SAMD11: variants seen among roughly 807,000 people sequenced by gnomAD.
The protein encoded by SAMD11 is sterile alpha motif domain-containing protein 11.
Under a neutral mutation model 64.4 loss-of-function variants are expected in SAMD11, and 77 were observed. The observed-to-expected ratio is 1.20, with a 90% CI of 0.99 to 1.44. The LOEUF (loss-of-function observed/expected upper bound fraction) is 1.44. Ranked by LOEUF, SAMD11 falls within the 40% of genes most tolerant of loss-of-function variation. SAMD11 has a pLI of 0.00. For synonymous variants in SAMD11, 658 were observed against 421.9 expected (o/e 1.56, Z -6.86); for missense variants, 1,402 against 943.3 (o/e 1.49, Z -6.37).
chr1:929,423 C>T (rs904338516), intron 2 of SAMD11, among the ~76,000 whole-genome samples: 6 of 152,216 alleles, frequency 3.9e-5, no homozygotes, highest in African/African-American at 9.7e-5. Context: ...CTGTGAGCCC[C>T]GGGGCCTGCA....
chr1:936,009 G>C, intron 5 of SAMD11, 113 bp downstream of exon 5: 1 of 1,146,414 alleles, frequency 8.7e-7, no homozygotes, highest in Non-Finnish European at 1.2e-6. Context: ...CAGGAGGAGC[G>C]GCCTGTCCCC....
intron 2 of SAMD11, 108 bp downstream of exon 2, chr1:926,121 G>A: frequency 9.2e-7 from 1 of 1,084,592 alleles, no homozygotes; most frequent in South Asian, 1.3e-5. Flanking sequence ...ACCCCTGCGG[G>A]TGTGCTGGAG....
At position 939,035 on chromosome 1, in the gene SAMD11, C is replaced by T. The variant is rs74047412; in HGVS notation, c.968-5C>T. ...TGCAGGTGGGCACTCACTACCCTCC[C>T]GCAGGTGACCTGTTGGGCAAGAGGC... On this transcript the variant is annotated splice_polypyrimidine_tract_variant and splice_region_variant and intron_variant, in intron 5 of 13. Transcript: ENST00000616016. 4.6e-4 allele frequency: 737 copies of T among 1,592,762 alleles called. 2 individuals carry two copies. The highest frequency in any genetic ancestry group is 5.2e-4 in the South Asian group (45 of 87,368).
chr1:943,121 G>A (rs552638454), intron 11 of SAMD11, 63 bp downstream of exon 11: 2 of 1,553,472 alleles, frequency 1.3e-6, no homozygotes, highest in South Asian at 1.2e-5. Flanking sequence ...GCCTGTGGAA[G>A]GGTCTTGGGG....
Position 935,794 on chromosome 1 carries a change from C to T in SAMD11, c.865C>T (p.Leu289Phe), listed in dbSNP as rs768034975. ...SCSQDGNLPT[L>F]ISSVHRSRHL... The stretch of plus-strand genomic sequence containing the variant: ...CAGCCAGGACGGCAACCTTCCCACC[C>T]TCATATCCAGCGTCCACCGCAGCCG... The change falls in exon 5 of 14, where the codon CTC (leucine) becomes TTC (phenylalanine). Residue 289 changes from leucine (L) to phenylalanine (F), a missense_variant. By Grantham distance (22) the Leu-to-Phe change is conservative. Transcript: ENST00000616016. 3 of 1,613,432 alleles carry T rather than the reference C, an allele frequency of 1.9e-6. No individual in the cohort carries two copies. The African/African-American group carries it at 4.0e-5, about 22-fold the overall frequency.
At chr1:940,305 C>G (rs868012670) in intron 7 of SAMD11, 10 of 143,898 alleles carry the variant, frequency 6.9e-5, no homozygotes, top group Non-Finnish European at 1.1e-4. Context: ...CGCCCCCCCC[C>G]CCCGCCCCGC....
intron 4 of SAMD11, among the ~76,000 whole-genome samples, chr1:935,399 C>T (rs948764762): frequency 6.6e-6 from 1 of 152,086 alleles, no homozygotes; most frequent in Non-Finnish European, 1.5e-5. Context: ...GCAGGACTGC[C>T]CCTGAGCAGA....
intron 4 of SAMD11, among the ~76,000 whole-genome samples, chr1:933,218 G>T (rs1379776691): frequency 6.6e-6 from 1 of 152,236 alleles, no homozygotes; most frequent in Non-Finnish European, 1.5e-5. Flanking sequence ...CTCCACTCTG[G>T]GACGTCCAGG....
At chr1:941,771 C>T (rs963145419) in intron 8 of SAMD11, among the ~76,000 whole-genome samples, 4 of 152,174 alleles carry the variant, frequency 2.6e-5, no homozygotes, top group Admixed American at 1.3e-4. Context: ...AGGCCCGAGT[C>T]CCTGCCCGGC....
intron 7 of SAMD11, chr1:940,306 CCCG>C (rs1224803996): frequency 6.9e-6 from 1 of 144,252 alleles, no homozygotes; most frequent in African/African-American, 2.5e-5. Context: ...GCCCCCCCCC[CCCG>C]CCCCGCCGCG....
At chr1:937,173 G>A (rs1025393578) in intron 5 of SAMD11, among the ~76,000 whole-genome samples, 12 of 152,242 alleles carry the variant, frequency 7.9e-5, no homozygotes, top group Admixed American at 4.6e-4. Context: ...CACCCTGGGG[G>A]GCGTTCACCT....
rs773973372 is a variant in SAMD11 at position 925,921 on chromosome 1, G to A, written c.518-1G>A. 4 of 1,609,432 alleles carry A rather than the reference G, an allele frequency of 2.5e-6. No individual in the cohort carries two copies. Among genetic ancestry groups the A allele is most frequent in the Non-Finnish European group, 3.4e-6 (4 of 1,178,380 alleles). ...AGGGTCTGCCTCGGCTCTGCTCGCA[G>A]GGAAAAGTCTGAAGACGCTTATGTC... is the stretch of plus-strand genomic sequence containing the variant. On this transcript the variant is annotated splice_acceptor_variant, in intron 1 of 13. Coordinates refer to ENST00000616016, the MANE Select transcript of SAMD11 (RefSeq NM_001385641.1). LOFTEE classifies it high-confidence loss of function.
At position 925,908 on chromosome 1, in the gene SAMD11, G is replaced by GGCTCT. The variant is rs1372478097; in HGVS notation, c.518-9_518-5dup. ...GCCGCTCCCTCACAGGGTCTGCCTCGGCTCTGCTCGCAGGGAAAAGTCTGA... is the reference window on the plus strand; with the variant it reads ...GCCGCTCCCTCACAGGGTCTGCCTCGGCTCTGCTCTGCTCGCAGGGAAAAGTCTGA... On this transcript the variant is annotated splice_polypyrimidine_tract_variant and intron_variant, in intron 1 of 13. Coordinates refer to ENST00000616016, the MANE Select transcript of SAMD11 (RefSeq NM_001385641.1). The GGCTCT allele has an allele frequency of 1.6e-5, 26 of 1,596,224 alleles. No homozygotes were observed. The highest frequency in any genetic ancestry group is 1.9e-5 in the Non-Finnish European group (22 of 1,167,304).
In SAMD11 at chr1:942,943, G is replaced by T. The variant is rs951991576; in HGVS notation, c.1938G>T (p.Gly646=). ...AGACGGCAGCTGTTGGGTGCAGGGG[G>T]CCCACTCCGGGCCAAGCTCCAGCTG... is the stretch of plus-strand genomic sequence containing the variant. ...DPETAAVGCR[G]PTPGQAPAGG... The change falls in exon 11 of 14, where the codon GGG becomes GGT. Residue 646 remains glycine (G), a synonymous_variant. Coordinates refer to ENST00000616016, the MANE Select transcript of SAMD11 (RefSeq NM_001385641.1). 4 of 1,550,364 alleles carry T rather than the reference G, an allele frequency of 2.6e-6. No individual in the cohort carries two copies. The Admixed American group carries it at 8.1e-5, about 32-fold the overall frequency.
In SAMD11 at chr1:941,192, C is replaced by G. The variant is rs767264992; in HGVS notation, c.1244C>G (p.Pro415Arg). Reference protein sequence around the residue: ...QEVAAAALRGPSGLEAHLPSS... With the variant: ...QEVAAAALRGRSGLEAHLPSS... ...GTGGCGGCTGCAGCTCTGAGGGGCCCCAGTGGCCTGGAAGCCCACCTGCCC... is the reference window on the plus strand; with the variant it reads ...GTGGCGGCTGCAGCTCTGAGGGGCCGCAGTGGCCTGGAAGCCCACCTGCCC... The change falls in exon 8 of 14, where the codon CCC becomes CGC. Residue 415 changes from proline to arginine, a missense_variant. Transcript: ENST00000616016. 3.1e-6 allele frequency: 5 copies of G among 1,601,926 alleles called. No individual in the cohort carries two copies. In the South Asian group the frequency reaches 5.6e-5, roughly 18 times the overall value.
intron 2 of SAMD11, among the ~76,000 whole-genome samples, chr1:928,895 G>A (rs1641034655): frequency 6.6e-6 from 1 of 152,204 alleles, no homozygotes; most frequent in Admixed American, 6.5e-5. Context: ...TTCTAGGTCT[G>A]AGGAGGACAC....
At chr1:937,398 C>G (rs1355824715) in intron 5 of SAMD11, among the ~76,000 whole-genome samples, 5 of 27,652 alleles carry the variant, frequency 1.8e-4, no homozygotes, top group Admixed American at 4.5e-4. Context: ...TTCCACCTGC[C>G]CCCCCCCCCA....
At chr1:926,156 G>T (rs918831031) in intron 2 of SAMD11, 143 bp downstream of exon 2, 1 of 799,078 alleles carries the variant, frequency 1.3e-6, no homozygotes, top group African/African-American at 1.7e-5. Flanking sequence ...GCAGGGGGAA[G>T]CGGCTTTACC....
intron 7 of SAMD11, 56 bp from the exon 8 acceptor site, chr1:941,088 C>A: frequency 1.4e-6 from 2 of 1,479,166 alleles, no homozygotes; most frequent in Non-Finnish European, 1.8e-6. Flanking sequence ...AGGACGCGGG[C>A]TGGGGAGGAT....
Sources: gnomAD v4.1 joint callset for allele counts (sites outside exome capture counted in the v4.1 genomes callset) on GRCh38, gnomAD v4.1.1 for gene constraint, MANE v1.5 for transcripts, NCBI Gene and HGNC (gene_info 2026-07-23, HGNC 2026-07-21) for gene names.